The following G3BP2 variants were observed in gnomAD, a reference collection of about 807,000 sequenced individuals.
G3BP2 encodes G3BP stress granule assembly factor 2, also known as ras GTPase-activating protein-binding protein 2.
A neutral mutation model predicts 56.7 loss-of-function variants in G3BP2; 11 were observed. The observed-to-expected ratio is 0.19, with a 90% CI of 0.12 to 0.32. The LOEUF (loss-of-function observed/expected upper bound fraction) is 0.32, where lower values mean the gene tolerates loss of function less well. Ranked by LOEUF, G3BP2 falls within the 10% of genes least tolerant of loss-of-function variation. The pLI is 1.00. For missense variants in G3BP2, 340 were observed against 610.9 expected, an observed-to-expected ratio of 0.56 and a Z score of 4.67; for synonymous variants, 165 against 191.6, an observed-to-expected ratio of 0.86 and a Z score of 1.15.
In G3BP2 at chr4:75,644,517, T is replaced by A. The variant is rs1020411545; in HGVS notation, c.*913A>T. 1 of 152,612 alleles carries A rather than the reference T, an allele frequency of 6.6e-6. No individual in the cohort carries two copies. Among genetic ancestry groups the A allele is most frequent in the Admixed American group, 6.5e-5 (1 of 15,274 alleles). The allele number at this position is 152,612 out of a possible 1,614,324, so 9.5% of individuals were successfully genotyped here. ...TACAAAATTACCAGCAAGACTGGAA[T>A]GATGTATTAATAGAAGGCACCATCA... On this transcript the variant is annotated 3_prime_UTR_variant, in exon 12 of 12. Coordinates refer to ENST00000359707, the MANE Select transcript of G3BP2 (RefSeq NM_203505.3).
At chr4:75,696,894 A>C (rs1011048600) in intron 3 of G3BP2, among the ~76,000 whole-genome samples, 7 of 152,218 alleles carry the variant, frequency 4.6e-5, no homozygotes, top group Non-Finnish European at 1.0e-4. Flanking sequence ...TCGAGTAAGT[A>C]GTTAAAGATG....
intron 1 of G3BP2, among the ~76,000 whole-genome samples, chr4:75,669,602 C>A (rs2149035356): frequency 6.6e-6 from 1 of 152,350 alleles, no homozygotes; most frequent in South Asian, 2.1e-4. Context: ...AAATTTATCT[C>A]CTACTATACT....
At chr4:75,699,022 G>A (rs1182155031) in intron 3 of G3BP2, among the ~76,000 whole-genome samples, 1 of 152,076 alleles carries the variant, frequency 6.6e-6, no homozygotes, top group Non-Finnish European at 1.5e-5. Flanking sequence ...CTCTACTTAT[G>A]TATGCCAGCA....
chr4:75,715,659 C>G (rs1560424645), intron 3 of G3BP2, among the ~76,000 whole-genome samples: 1 of 152,138 alleles, frequency 6.6e-6, no homozygotes, highest in Admixed American at 6.5e-5. Flanking sequence ...GGCTGAGGCT[C>G]AAAAAGCTTC....
intron 11 of G3BP2, 143 bp downstream of exon 11, chr4:75,646,195 A>C: frequency 1.8e-6 from 1 of 568,264 alleles, no homozygotes; most frequent in Non-Finnish European, 3.1e-6. Context: ...CAAACTAACA[A>C]ATCTTTATTC....
chr4:75,696,568 T>G (rs1031169364), intron 3 of G3BP2, among the ~76,000 whole-genome samples: 2 of 152,206 alleles, frequency 1.3e-5, no homozygotes, highest in African/African-American at 2.4e-5. Flanking sequence ...AGGCTGCCTA[T>G]GAAGAAAGGA....
chr4:75,717,620 A>G (rs983667621), intron 3 of G3BP2, among the ~76,000 whole-genome samples: 7 of 152,260 alleles, frequency 4.6e-5, no homozygotes, highest in East Asian at 1.9e-4. Flanking sequence ...TTAAGCTTAC[A>G]TGGAATCTTG....
rs1305090948 is a variant in G3BP2, at chr4:75,654,226, CAT to C, written c.727-147_727-146del. 1.8e-4 allele frequency: 92 copies of C among 515,822 alleles called. No homozygotes were observed. In the East Asian group the frequency reaches 2.6e-3, roughly 15 times the overall value. The allele number at this position is 515,822 out of a possible 1,614,324, so 32.0% of individuals were successfully genotyped here. The stretch of plus-strand genomic sequence containing the variant: ...CTCCTAAAAGAAAGGCACACACACA[CAT>C]GCCAGTCTATGTGCCAGCTTTCAAA... On this transcript the variant is annotated intron_variant, in intron 7 of 11. Coordinates refer to ENST00000359707, the MANE Select transcript of G3BP2 (RefSeq NM_203505.3).
chr4:75,721,058 G>A (rs925551454), intron 2 of G3BP2, among the ~76,000 whole-genome samples: 5 of 151,442 alleles, frequency 3.3e-5, no homozygotes, highest in Non-Finnish European at 5.9e-5. Flanking sequence ...GGCAGGAAGA[G>A]CTCTTGAACC....
At chr4:75,708,047 T>G (rs576707212) in intron 3 of G3BP2, among the ~76,000 whole-genome samples, 8 of 152,296 alleles carry the variant, frequency 5.3e-5, no homozygotes, top group African/African-American at 1.9e-4. Context: ...CTTACTGTGC[T>G]GTGTGCTGAA....
In G3BP2 at chr4:75,648,589, T is replaced by C. The variant is rs1731421626; in HGVS notation, c.928+50A>G. Reference sequence around the variant, plus strand: ...AGTTTTTTGTTTAAGTTCAGTCTTTTACAGCCTTACAAATGTTAAATGCTA... The same window carrying C: ...AGTTTTTTGTTTAAGTTCAGTCTTTCACAGCCTTACAAATGTTAAATGCTA... On this transcript the variant is annotated intron_variant, in intron 9 of 11. Transcript: ENST00000359707. 11 of 960,964 alleles carry C rather than the reference T, an allele frequency of 1.1e-5. No individual in the cohort carries two copies. The East Asian group carries it at 2.2e-4, about 19-fold the overall frequency. 59.5% of individuals were successfully genotyped at this position (960,964 alleles called of 1,614,324 possible).
chr4:75,693,647 GGC>G (rs1191108395), intron 3 of G3BP2, among the ~76,000 whole-genome samples: 3 of 151,938 alleles, frequency 2.0e-5, no homozygotes, highest in Non-Finnish European at 4.4e-5. Flanking sequence ...CAATTAGCTG[GGC>G]GCGGTGGCGG....
intron 3 of G3BP2, among the ~76,000 whole-genome samples, chr4:75,700,963 G>A (rs1376558830): frequency 2.6e-5 from 4 of 151,022 alleles, no homozygotes; most frequent in Middle Eastern, 3.2e-3. Context: ...CTCAGCCTCC[G>A]GAGTAGCTGG....
chr4:75,724,035 C>G (rs956333604), intron 1 of G3BP2: 1 of 152,150 alleles, frequency 6.6e-6, no homozygotes, highest in Non-Finnish European at 1.5e-5. Flanking sequence ...CTCCTGACGA[C>G]ACTTGAAAAT....
At chr4:75,659,701 G>A (rs923006998) in intron 2 of G3BP2, among the ~76,000 whole-genome samples, 6 of 152,134 alleles carry the variant, frequency 3.9e-5, no homozygotes, top group African/African-American at 1.4e-4. Flanking sequence ...ACAATCTCAT[G>A]AAGTGCTATT....
Position 75,662,036 on chromosome 4 carries a change from C to T in G3BP2, c.-11G>A, listed in dbSNP as rs1578398629. ...CTTCTCCATAACCATTTCTTTGCTG[C>T]ACAATGTCAAATGCTGAGGGAGCAA... On this transcript the variant is annotated 5_prime_UTR_variant, in exon 2 of 12. Transcript: ENST00000359707. 1 of 1,586,788 alleles carries T rather than the reference C, an allele frequency of 6.3e-7. No individual in the cohort carries two copies. Among genetic ancestry groups the T allele is most frequent in the Non-Finnish European group, 8.6e-7 (1 of 1,157,854 alleles).
rs1560604903 is a variant in G3BP2 at position 75,643,316 on chromosome 4, TGGAA to T, written c.*2110_*2113del. 7.4e-5 allele frequency: 10 copies of T among 134,888 alleles called. No individual in the cohort carries two copies. The highest frequency in any genetic ancestry group is 1.4e-4 in the African/African-American group (5 of 36,402). The allele number at this position is 134,888 out of a possible 1,614,324, so 8.4% of individuals were successfully genotyped here. ...GAAATTATATATATATATATATATA[TGGAA>T]ACAGAAATACAAGAAAATATGCTTG... is the stretch of plus-strand genomic sequence containing the variant. On this transcript the variant is annotated 3_prime_UTR_variant, in exon 12 of 12. Coordinates refer to ENST00000359707, the MANE Select transcript of G3BP2 (RefSeq NM_203505.3).
upstream of G3BP2, among the ~76,000 whole-genome samples, chr4:75,677,254 T>G (rs1416146520): frequency 6.6e-6 from 1 of 152,144 alleles, no homozygotes; most frequent in Non-Finnish European, 1.5e-5. Context: ...TCACCACTTT[T>G]GCTGATGAAG....
intron 3 of G3BP2, among the ~76,000 whole-genome samples, chr4:75,718,004 T>C (rs1052269505): frequency 6.6e-6 from 1 of 152,038 alleles, no homozygotes; most frequent in African/African-American, 2.4e-5. Flanking sequence ...CTGGGTGTGC[T>C]GGCACGCACC....
Sources: gnomAD v4.1 joint callset for allele counts (sites outside exome capture counted in the v4.1 genomes callset) on GRCh38, gnomAD v4.1.1 for gene constraint, MANE v1.5 for transcripts, NCBI Gene and HGNC (gene_info 2026-07-23, HGNC 2026-07-21) for gene names.